Variants in POU2F2 observed in about 807,000 individuals in gnomAD.
The protein encoded by POU2F2 is POU domain, class 2, transcription factor 2.
A neutral mutation model predicts 63.5 loss-of-function variants in POU2F2; 14 were observed. The observed-to-expected ratio is 0.22, with a 90% CI of 0.15 to 0.34. The LOEUF is 0.34. POU2F2 is among the 10% of genes least tolerant of loss of function. The pLI, the probability that POU2F2 is intolerant of heterozygous loss-of-function variation, is 1.00. For missense variants in POU2F2, 607 were observed against 815.2 expected (o/e 0.74, Z 3.11); for synonymous variants, 306 against 348.6 (o/e 0.88, Z 1.36).
chr19:42,170,224 A>G (rs1362229910), intron 1 of POU2F2, among the ~76,000 whole-genome samples: 2 of 152,040 alleles, frequency 1.3e-5, no homozygotes, highest in East Asian at 1.9e-4. Flanking sequence ...ACCCACATCC[A>G]TGCTCCGAGG....
rs1343959938 is a variant in POU2F2 at position 42,153,282 on chromosome 19, G to A, written c.-9+7050C>T. Among the ~76,000 whole-genome samples, 4 of 152,186 alleles carry A rather than the reference G, an allele frequency of 2.6e-5. No individual in the cohort carries two copies. The highest frequency in any genetic ancestry group is 2.6e-4 in the Admixed American group (4 of 15,294). On this transcript the variant is annotated intron_variant, in intron 2 of 6. Coordinates refer to the POU2F2 transcript ENST00000524801. The surrounding 1 kb of genome is among the most constrained non-coding windows in gnomAD (Gnocchi z 5.6). ...CCGAGTCATGTCTGTGTGTGAACAT[G>A]AGTTCATGGATGTGTCCCAGGAGCA...
rs923789551 is a variant in POU2F2, at chr19:42,089,712, ATATATATATATATATATATGTT to A, written c.*1523_*1544del. 11 of 143,540 alleles carry A rather than the reference ATATATATATATATATATATGTT, an allele frequency of 7.7e-5. No individual in the cohort carries two copies. In the South Asian group the frequency reaches 1.3e-3, roughly 17 times the overall value. The allele number at this position is 143,540 out of a possible 1,614,324, so 8.9% of individuals were successfully genotyped here. On this transcript the variant is annotated 3_prime_UTR_variant, in exon 15 of 15. Coordinates refer to ENST00000692977, the MANE Select transcript of POU2F2 (RefSeq NM_001394376.1). ...AGAGTCCTCATCTTCTTTCCCTTTT[ATATATATATATATATATATGTT>A]TATATATATATATAAATTTTTTTTC...
In POU2F2 at chr19:42,095,838, T is replaced by C; in HGVS notation, c.821A>G (p.Lys274Arg). 1 of 1,614,048 alleles carries C rather than the reference T, an allele frequency of 6.2e-7. No individual in the cohort carries two copies. The highest frequency in any genetic ancestry group is 8.5e-7 in the Non-Finnish European group (1 of 1,179,928). Residue 274 changes from lysine (K) to arginine (R), a missense_variant, in exon 9 of 15, where the codon AAG (lysine) becomes AGG (arginine). Physicochemically the swap from Lys to Arg is conservative, Grantham distance 26. Transcript: ENST00000692977. The surrounding 1 kb of genome is among the most constrained non-coding windows in gnomAD (Gnocchi z 7.1). ...SRFEALNLSF[K>R]NMCKLKPLLE... is the part of the protein sequence containing the mutation. ...GAGGGGCTTGAGTTTGCACATGTTC[T>C]TGAAGCTCAGGTTGAGGGCCTCGAA...
chr19:42,196,851 C>T (rs757847931), upstream of POU2F2, among the ~76,000 whole-genome samples: 7 of 152,270 alleles, frequency 4.6e-5, no homozygotes, highest in Admixed American at 6.5e-5. Context: ...AAGGTTGGCC[C>T]TCCTGACTTC....
intron 7 of POU2F2, among the ~76,000 whole-genome samples, chr19:42,098,407 C>T (rs1203109211): frequency 7.9e-6 from 1 of 126,434 alleles, no homozygotes; most frequent in Admixed American, 8.7e-5. Flanking sequence ...AGCGAGACTC[C>T]ATCTCAAAAA....
rs35712190 is a variant in POU2F2 at position 42,117,815 on chromosome 19, GA to G, written c.187-384del. Among the ~76,000 whole-genome samples the G allele has an allele frequency of 2.3e-4, 33 of 142,074 alleles. No homozygotes were observed. The highest frequency in any genetic ancestry group is 6.0e-4 in the East Asian group (3 of 4,982). The allele number at this position is 142,074 out of a possible 152,430, so 93.2% of individuals were successfully genotyped here. The stretch of plus-strand genomic sequence containing the variant: ...GCCAACATGGTGAAACCCCATTTCT[GA>G]AAAAAAAAAAGGAAAATACTCCCAC... On this transcript the variant is annotated intron_variant, in intron 4 of 14. Coordinates refer to ENST00000692977, the MANE Select transcript of POU2F2 (RefSeq NM_001394376.1). The surrounding 1 kb of genome is among the most constrained non-coding windows in gnomAD (Gnocchi z 4.4).
intron 1 of POU2F2, among the ~76,000 whole-genome samples, chr19:42,192,817 T>C (rs2035088033): frequency 6.6e-6 from 1 of 152,076 alleles, no homozygotes; most frequent in Non-Finnish European, 1.5e-5. Flanking sequence ...TGACAACACA[T>C]AGTATTGGTG....
chr19:42,113,304 T>C (rs2031391253), intron 5 of POU2F2, among the ~76,000 whole-genome samples: 1 of 152,204 alleles, frequency 6.6e-6, no homozygotes, highest in East Asian at 1.9e-4. Context: ...CTCCTATCCT[T>C]GATTGAAAAT....
At chr19:42,126,461 GAA>G (rs1370467755) in intron 1 of POU2F2, among the ~76,000 whole-genome samples, 1 of 150,582 alleles carries the variant, frequency 6.6e-6, no homozygotes, top group African/African-American at 2.4e-5. Flanking sequence ...AAAAAAAGAA[GAA>G]AAAGAGGGAA....
intron 2 of POU2F2, among the ~76,000 whole-genome samples, chr19:42,143,349 C>T (rs1216825770): frequency 6.6e-6 from 1 of 151,654 alleles, no homozygotes; most frequent in African/African-American, 2.4e-5. Context: ...AAGACTCTGC[C>T]TCAAAAAAAA....
At chr19:42,176,803 G>A (rs1423802614), upstream of POU2F2, among the ~76,000 whole-genome samples, 1 of 151,710 alleles carries the variant, frequency 6.6e-6, no homozygotes, top group African/African-American at 2.4e-5. Context: ...GAGGGCCGGG[G>A]CCGCGGCGGC....
chr19:42,157,959 G>A (rs979792243), intron 2 of POU2F2, among the ~76,000 whole-genome samples: 1 of 152,198 alleles, frequency 6.6e-6, no homozygotes, highest in African/African-American at 2.4e-5. Flanking sequence ...TGGGGCTCCA[G>A]CTCCCACATA....
intron 1 of POU2F2, among the ~76,000 whole-genome samples, chr19:42,166,498 C>G (rs1228313804): frequency 6.6e-6 from 1 of 152,100 alleles, no homozygotes; most frequent in African/African-American, 2.4e-5. Context: ...AAACTCGAGG[C>G]TTAAAAGGAG....
In POU2F2 at chr19:42,091,608, G is replaced by T; in HGVS notation, c.1541-17C>A. The stretch of plus-strand genomic sequence containing the variant: ...AGGCCAGGGCTGGCGGGGAGAGAGA[G>T]AGGCTGGGCTAAGGGCATGCCGGGC... On this transcript the variant is annotated splice_polypyrimidine_tract_variant and intron_variant, in intron 14 of 14. Coordinates refer to ENST00000692977, the MANE Select transcript of POU2F2 (RefSeq NM_001394376.1). 1 of 1,541,554 alleles carries T rather than the reference G, an allele frequency of 6.5e-7. No individual in the cohort carries two copies. The highest frequency in any genetic ancestry group is 8.8e-7 in the Non-Finnish European group (1 of 1,140,726).
intron 2 of POU2F2, among the ~76,000 whole-genome samples, chr19:42,146,120 C>T (rs1055322461): frequency 1.3e-5 from 2 of 151,852 alleles, no homozygotes; most frequent in Non-Finnish European, 2.9e-5. Flanking sequence ...TATTTAGAAG[C>T]ATTTTCTCAC....
In POU2F2 at chr19:42,117,489, G is replaced by A. The variant is rs1250884784; in HGVS notation, c.187-57C>T. On this transcript the variant is annotated intron_variant, in intron 4 of 14. Transcript: ENST00000692977. The surrounding 1 kb of genome is among the most constrained non-coding windows in gnomAD (Gnocchi z 4.4). ...AATGGCAATCAGGCTGGCACAGGAGGAGCAGACTGGGGTGTGGACATGAGG... is the reference window on the plus strand; with the variant it reads ...AATGGCAATCAGGCTGGCACAGGAGAAGCAGACTGGGGTGTGGACATGAGG... 4 of 738,750 alleles carry A rather than the reference G, an allele frequency of 5.4e-6. No individual in the cohort carries two copies. Among genetic ancestry groups the A allele is most frequent in the East Asian group, 2.8e-5 (1 of 36,224 alleles). 45.8% of individuals were successfully genotyped at this position (738,750 alleles called of 1,614,324 possible).
chr19:42,170,657 G>T (rs193031888), intron 1 of POU2F2, among the ~76,000 whole-genome samples: 19 of 152,178 alleles, frequency 1.2e-4, no homozygotes, highest in Non-Finnish European at 2.4e-4. Flanking sequence ...AAAGTTCTAC[G>T]AAGGTAGGCA....
intron 1 of POU2F2, among the ~76,000 whole-genome samples, chr19:42,184,566 G>C (rs2034994654): frequency 6.6e-6 from 1 of 152,066 alleles, no homozygotes; most frequent in Non-Finnish European, 1.5e-5. Context: ...TCCAAGTCCA[G>C]GCCCAGCATG....
At chr19:42,113,803 G>C (rs1015933701) in intron 5 of POU2F2, among the ~76,000 whole-genome samples, 3 of 152,182 alleles carry the variant, frequency 2.0e-5, no homozygotes, top group Admixed American at 1.3e-4. Flanking sequence ...GAAGTGGACT[G>C]GGGGGTGGAG....
Sources: gnomAD v4.1 joint callset for allele counts (sites outside exome capture counted in the v4.1 genomes callset) on GRCh38, gnomAD v4.1.1 for gene constraint, Gnocchi (gnomAD v3.1) non-coding constraint, MANE v1.5 for transcripts, NCBI Gene and HGNC (gene_info 2026-07-23, HGNC 2026-07-21) for gene names.